The following ESR1 variants were observed in gnomAD, a reference collection of about 807,000 sequenced individuals.
The protein encoded by ESR1 is estrogen receptor 1.
In ESR1, 12 loss-of-function variants were observed where a neutral mutation model predicts 52.7. That is an observed-to-expected ratio of 0.23 (90% CI 0.15 to 0.37). The LOEUF is 0.37. ESR1 is among the 10% of genes least tolerant of loss of function. The pLI is 1.00. For synonymous variants in ESR1, 305 were observed against 316.8 expected, an observed-to-expected ratio of 0.96 and a Z score of 0.39; for missense variants, 584 against 779.7, an observed-to-expected ratio of 0.75 and a Z score of 2.99.
intron 5 of ESR1, among the ~76,000 whole-genome samples, chr6:152,043,222 T>A (rs925885132): frequency 6.6e-6 from 1 of 152,200 alleles, no homozygotes; most frequent in Non-Finnish European, 1.5e-5. Context: ...GGGCCACCTT[T>A]TGATCTATAT....
At position 151,921,580 on chromosome 6, in the gene ESR1, T is replaced by C. The variant is rs143892322; in HGVS notation, c.761-22593T>C. ...ACAGTGTAAAAGTGTTCCTATTTCTTTGCAACCTCGCCAGCATCTGTTGTT... is the reference window on the plus strand; with the variant it reads ...ACAGTGTAAAAGTGTTCCTATTTCTCTGCAACCTCGCCAGCATCTGTTGTT... On this transcript the variant is annotated intron_variant, in intron 3 of 7. Transcript: ENST00000206249. Among the ~76,000 whole-genome samples the C allele has an allele frequency of 3.6e-3, 544 of 152,284 alleles. 3 individuals carry two copies. Among genetic ancestry groups the C allele is most frequent in the African/African-American group, 0.012 (519 of 41,574 alleles).
chr6:151,869,572 T>C (rs1790579689), intron 2 of ESR1, among the ~76,000 whole-genome samples: 1 of 152,138 alleles, frequency 6.6e-6, no homozygotes, highest in Non-Finnish European at 1.5e-5. Flanking sequence ...CTTAAAACAA[T>C]TGTGGTTTTG....
intron 6 of ESR1, chr6:152,122,551 C>A: frequency 6.2e-7 from 1 of 1,614,134 alleles, no homozygotes; most frequent in African/African-American, 1.3e-5. Flanking sequence ...GCAGGCAAGC[C>A]CGATGAGGAG....
chr6:151,989,774 T>C (rs998680881), intron 4 of ESR1, among the ~76,000 whole-genome samples: 1 of 152,126 alleles, frequency 6.6e-6, no homozygotes, highest in Admixed American at 6.5e-5. Context: ...TATACCTTTA[T>C]GTTAATGTAT....
intron 1 of ESR1, among the ~76,000 whole-genome samples, chr6:151,816,363 G>A (rs1434614301): frequency 6.6e-6 from 1 of 152,170 alleles, no homozygotes; most frequent in Non-Finnish European, 1.5e-5. Flanking sequence ...CTGTGTAGTT[G>A]TCATCACTGG....
chr6:151,985,063 T>C (rs1326997237), intron 4 of ESR1, among the ~76,000 whole-genome samples: 1 of 151,972 alleles, frequency 6.6e-6, no homozygotes, highest in East Asian at 1.9e-4. Context: ...TGTATGAATG[T>C]CCCCCAACAT....
chr6:151,756,711 C>T (rs11155811), intron 2 of ESR1, among the ~76,000 whole-genome samples: 67,413 of 152,062 alleles, frequency 0.44, 16,572 homozygotes, highest in Non-Finnish European at 0.55. Context: ...TTAAATGGGC[C>T]GGGCGTGATG....
intron 6 of ESR1, among the ~76,000 whole-genome samples, chr6:152,116,391 A>G (rs368283938): frequency 1.3e-5 from 2 of 152,226 alleles, no homozygotes; most frequent in Admixed American, 6.5e-5. Flanking sequence ...ACAGGTACCA[A>G]TATGTCTGTG....
At chr6:151,852,562 C>T (rs1456716915) in intron 2 of ESR1, among the ~76,000 whole-genome samples, 7 of 150,678 alleles carry the variant, frequency 4.6e-5, no homozygotes, top group Non-Finnish European at 1.0e-4. Flanking sequence ...GCTACCAGCA[C>T]ATTAAGCTGT....
intron 4 of ESR1, among the ~76,000 whole-genome samples, chr6:151,958,775 G>C (rs1253286813): frequency 6.6e-6 from 1 of 152,156 alleles, no homozygotes; most frequent in Non-Finnish European, 1.5e-5. Context: ...AGTACAAGTG[G>C]TGAACAGACA....
chr6:151,960,544 T>C (rs557518487), intron 4 of ESR1, among the ~76,000 whole-genome samples: 26 of 152,272 alleles, frequency 1.7e-4, no homozygotes, highest in African/African-American at 5.3e-4. Flanking sequence ...TTCTGGAATA[T>C]TCTAGAAACA....
intron 4 of ESR1, among the ~76,000 whole-genome samples, chr6:151,966,133 A>G (rs1343478523): frequency 6.6e-6 from 1 of 152,162 alleles, no homozygotes; most frequent in African/African-American, 2.4e-5. Flanking sequence ...ATTTGCTTTC[A>G]CATTTGCTAA....
At chr6:152,032,154 G>A (rs936855496) in intron 5 of ESR1, among the ~76,000 whole-genome samples, 2 of 152,132 alleles carry the variant, frequency 1.3e-5, no homozygotes, top group African/African-American at 4.8e-5. Context: ...AATAATAAGA[G>A]CTATCTATGA....
At chr6:151,821,733 C>T (rs1215497830) in intron 1 of ESR1, among the ~76,000 whole-genome samples, 2 of 152,180 alleles carry the variant, frequency 1.3e-5, no homozygotes, top group Non-Finnish European at 2.9e-5. Context: ...TGTGCTTGAT[C>T]TAGCAGCCAG....
At chr6:151,773,612 A>G (rs1785700169) in intron 2 of ESR1, among the ~76,000 whole-genome samples, 1 of 152,206 alleles carries the variant, frequency 6.6e-6, no homozygotes, top group Non-Finnish European at 1.5e-5. Context: ...GAGGAAGTCT[A>G]TAGGAGGAGG....
intron 2 of ESR1, among the ~76,000 whole-genome samples, chr6:151,868,996 T>A (rs1383048024): frequency 6.6e-6 from 1 of 152,192 alleles, no homozygotes; most frequent in Non-Finnish European, 1.5e-5. Context: ...CCGTCTTTTC[T>A]ATTTTCTCCC....
chr6:152,088,123 T>C (rs1736469710), intron 6 of ESR1, among the ~76,000 whole-genome samples: 1 of 152,172 alleles, frequency 6.6e-6, no homozygotes, highest in African/African-American at 2.4e-5. Context: ...ATAACCATCA[T>C]ATAAAGGAGA....
chr6:152,044,145 A>G (rs1293351208), intron 5 of ESR1, among the ~76,000 whole-genome samples: 1 of 152,180 alleles, frequency 6.6e-6, no homozygotes, highest in African/African-American at 2.4e-5. Flanking sequence ...ATTAGGTATA[A>G]AGTCACTAAA....
chr6:151,811,821 A>C (rs1383955960), intron 1 of ESR1, among the ~76,000 whole-genome samples: 1 of 152,074 alleles, frequency 6.6e-6, no homozygotes, highest in East Asian at 1.9e-4. Flanking sequence ...GAATGAGCAT[A>C]TTTTCGGATG....
Sources: gnomAD v4.1 joint callset for allele counts (sites outside exome capture counted in the v4.1 genomes callset) on GRCh38, gnomAD v4.1.1 for gene constraint, MANE v1.5 for transcripts, NCBI Gene and HGNC (gene_info 2026-07-23, HGNC 2026-07-21) for gene names.